LEKR1: variants seen among roughly 807,000 people sequenced by gnomAD.
The protein encoded by LEKR1 is leucine, glutamate and lysine rich 1, also known as protein LEKR1.
In LEKR1, 59 loss-of-function variants were observed where a neutral mutation model predicts 72.4. The ratio of observed to expected loss-of-function variants is 0.82; its 90% CI spans 0.66 to 1.01. LEKR1 has a LOEUF of 1.01. Ranked by LOEUF, LEKR1 falls within the 50% of genes least tolerant of loss-of-function variation. The pLI, the probability that LEKR1 is intolerant of heterozygous loss-of-function variation, is 0.00. For synonymous variants in LEKR1, 257 were observed against 263.2 expected, an observed-to-expected ratio of 0.98 and a Z score of 0.23; for missense variants, 728 against 759.2, an observed-to-expected ratio of 0.96 and a Z score of 0.48.
In LEKR1 at chr3:156,979,109, GCAA is replaced by G; in HGVS notation, c.746-81_746-79del. The G allele has an allele frequency of 1.7e-5, 10 of 577,296 alleles. 1 individual carries two copies. Among genetic ancestry groups the G allele is most frequent in the Non-Finnish European group, 2.9e-5 (10 of 349,946 alleles). 35.8% of individuals were successfully genotyped at this position (577,296 alleles called of 1,614,324 possible). Reference sequence around the variant, plus strand: ...TGCCTTATTCTTCAGGAGCTGACTAGCAACAAAAGAATATGGTTTACTCTATGA... The same window carrying G: ...TGCCTTATTCTTCAGGAGCTGACTAGCAAAAGAATATGGTTTACTCTATGA... On this transcript the variant is annotated intron_variant, in intron 6 of 12. Coordinates refer to ENST00000356539, the MANE Select transcript of LEKR1 (RefSeq NM_001004316.3).
At chr3:156,882,970 G>A (rs570637346) in intron 3 of LEKR1, among the ~76,000 whole-genome samples, 10 of 151,998 alleles carry the variant, frequency 6.6e-5, no homozygotes, top group South Asian at 2.1e-4. Flanking sequence ...CATGGACACA[G>A]GAAGGGGAAC....
At chr3:156,978,704 C>T (rs1162669640) in intron 6 of LEKR1, among the ~76,000 whole-genome samples, 1 of 152,046 alleles carries the variant, frequency 6.6e-6, no homozygotes, top group Non-Finnish European at 1.5e-5. Context: ...CACTAAAATG[C>T]CTTTTAGATG....
At chr3:156,882,957 A>G (rs9810194) in intron 3 of LEKR1, among the ~76,000 whole-genome samples, 45,637 of 151,086 alleles carry the variant, frequency 0.3, 9,825 homozygotes, top group African/African-American at 0.61. Context: ...AACAATGAGA[A>G]CACATGGACA....
At chr3:156,927,223 A>G (rs1206324392) in intron 4 of LEKR1, among the ~76,000 whole-genome samples, 3 of 151,936 alleles carry the variant, frequency 2.0e-5, no homozygotes, top group Non-Finnish European at 4.4e-5. Context: ...AATGGAAATG[A>G]GTTAGAGTGA....
intron 3 of LEKR1, among the ~76,000 whole-genome samples, chr3:156,915,741 G>T (rs1466258189): frequency 6.6e-6 from 1 of 151,800 alleles, no homozygotes; most frequent in Non-Finnish European, 1.5e-5. Context: ...GTTTCTTTTG[G>T]TGTGCAGAAG....
At chr3:156,831,245 C>T (rs938497369) in intron 2 of LEKR1, among the ~76,000 whole-genome samples, 1 of 152,026 alleles carries the variant, frequency 6.6e-6, no homozygotes, top group Non-Finnish European at 1.5e-5. Context: ...AAAAACATCT[C>T]AAAAGGCCAA....
chr3:157,038,597 C>A (rs56691909), intron 12 of LEKR1, among the ~76,000 whole-genome samples: 6 of 151,904 alleles, frequency 3.9e-5, no homozygotes, highest in Non-Finnish European at 7.4e-5. Flanking sequence ...TAGAATCTAG[C>A]GATGGTGACA....
chr3:156,857,153 C>T (rs1247488925), intron 3 of LEKR1, among the ~76,000 whole-genome samples: 1 of 152,020 alleles, frequency 6.6e-6, no homozygotes, highest in Non-Finnish European at 1.5e-5. Flanking sequence ...AAATGCTTTT[C>T]TATCTTCTAT....
At chr3:156,951,982 T>C (rs755213487) in intron 6 of LEKR1, among the ~76,000 whole-genome samples, 11 of 151,598 alleles carry the variant, frequency 7.3e-5, no homozygotes, top group Non-Finnish European at 1.3e-4. Context: ...GTATAAGGAA[T>C]GAACAAATCA....
intron 3 of LEKR1, among the ~76,000 whole-genome samples, chr3:156,884,478 T>C (rs1719844647): frequency 6.6e-6 from 1 of 152,212 alleles, no homozygotes; most frequent in Non-Finnish European, 1.5e-5. Flanking sequence ...GGCTTAATAG[T>C]GGTAAATTCT....
rs986342418 is a variant in LEKR1, at chr3:157,020,848, C to A, written c.1204-3912C>A. Among the ~76,000 whole-genome samples, 18 of 151,926 alleles carry A rather than the reference C, an allele frequency of 1.2e-4. No individual in the cohort carries two copies. The East Asian group carries it at 1.8e-3, about 15-fold the overall frequency. On this transcript the variant is annotated intron_variant, in intron 10 of 12. Coordinates refer to ENST00000356539, the MANE Select transcript of LEKR1 (RefSeq NM_001004316.3). The stretch of plus-strand genomic sequence containing the variant: ...TTCTAGTTCTAGATCCCTGAGGAAT[C>A]GCCACACTGACTTCCACAATGGTTG...
chr3:156,909,569 T>G (rs1018555637), intron 3 of LEKR1, among the ~76,000 whole-genome samples: 3 of 150,144 alleles, frequency 2.0e-5, no homozygotes, highest in Non-Finnish European at 4.4e-5. Context: ...GAGAATCGTT[T>G]GAACCCGGGA....
chr3:156,829,193 C>T (rs1712040776), intron 1 of LEKR1, 93 bp from the exon 2 acceptor site: 4 of 582,738 alleles, frequency 6.9e-6, no homozygotes, highest in Middle Eastern at 5.3e-4. Context: ...TATCACCATT[C>T]ATCCCCAAAT....
intron 6 of LEKR1, among the ~76,000 whole-genome samples, chr3:156,963,085 T>A (rs1728264820): frequency 6.6e-6 from 1 of 152,204 alleles, no homozygotes; most frequent in Non-Finnish European, 1.5e-5. Context: ...GGTGTCTACA[T>A]CATCCCATCC....
intron 6 of LEKR1, among the ~76,000 whole-genome samples, chr3:156,978,637 C>T (rs1729909230): frequency 6.6e-6 from 1 of 152,110 alleles, no homozygotes; most frequent in South Asian, 2.1e-4. Flanking sequence ...TTACATTCTC[C>T]AGTTAAAGAC....
At chr3:156,936,273 C>G (rs1421103739) in intron 5 of LEKR1, among the ~76,000 whole-genome samples, 1 of 152,076 alleles carries the variant, frequency 6.6e-6, no homozygotes, top group East Asian at 1.9e-4. Flanking sequence ...TGCACTCAAC[C>G]ACACTGGCCT....
intron 3 of LEKR1, among the ~76,000 whole-genome samples, chr3:156,886,907 T>C (rs1720157413): frequency 6.6e-6 from 1 of 152,200 alleles, no homozygotes; most frequent in Admixed American, 6.5e-5. Flanking sequence ...TCATTATATG[T>C]GTCTTCCTGG....
intron 7 of LEKR1, among the ~76,000 whole-genome samples, chr3:156,989,507 G>T (rs926420333): frequency 1.3e-5 from 2 of 151,844 alleles, no homozygotes; most frequent in South Asian, 2.1e-4. Context: ...GACAATAGTG[G>T]GTATTATAAC....
chr3:156,887,314 C>T (rs1264063006), intron 3 of LEKR1, among the ~76,000 whole-genome samples: 1 of 149,630 alleles, frequency 6.7e-6, no homozygotes, highest in Non-Finnish European at 1.5e-5. Context: ...CTTGGTGGGC[C>T]CTTGAGGTGC....
Sources: allele counts gnomAD v4.1 joint callset (sites outside exome capture counted in the v4.1 genomes callset), GRCh38; gene constraint gnomAD v4.1.1; transcripts MANE v1.5; gene names NCBI Gene and HGNC (gene_info 2026-07-23, HGNC 2026-07-21).